Variants in SRPK2 observed in about 807,000 individuals in gnomAD.
SRPK2 encodes the protein SFRS protein kinase 2.
SRPK2 carries 21 observed loss-of-function variants against 90.8 expected under a neutral mutation model. The ratio of observed to expected loss-of-function variants is 0.23; its 90% CI spans 0.16 to 0.33. The LOEUF is 0.33. Among genes scored for constraint, SRPK2 ranks in the 10% least tolerant of loss-of-function variants. The probability of loss-of-function intolerance (pLI) is 1.00; values close to 1 mark genes in which losing one functional copy is unlikely to be tolerated. For synonymous variants in SRPK2, 288 were observed against 311.1 expected (o/e 0.93, Z 0.78); for missense variants, 620 against 869.0 (o/e 0.71, Z 3.60).
chr7:105,225,320 T>G (rs1585242945), intron 2 of SRPK2, among the ~76,000 whole-genome samples: 1 of 152,380 alleles, frequency 6.6e-6, no homozygotes, highest in African/African-American at 2.4e-5. Flanking sequence ...TCTTTCAATA[T>G]GTATTGGGAG....
intron 2 of SRPK2, among the ~76,000 whole-genome samples, chr7:105,242,959 G>C (rs1392164027): frequency 6.6e-6 from 1 of 152,190 alleles, no homozygotes; most frequent in Admixed American, 6.5e-5. Context: ...CTGGTAGAAG[G>C]TGAGGCCAGG....
At chr7:105,233,126 AG>A (rs1799704110) in intron 2 of SRPK2, among the ~76,000 whole-genome samples, 1 of 149,000 alleles carries the variant, frequency 6.7e-6, no homozygotes, top group African/African-American at 2.5e-5. Context: ...GAAGGAAGGA[AG>A]GAAGGAAGGA....
At chr7:105,330,909 C>T (rs755849477) in intron 2 of SRPK2, among the ~76,000 whole-genome samples, 1 of 152,074 alleles carries the variant, frequency 6.6e-6, no homozygotes, top group African/African-American at 2.4e-5. Context: ...AAGGAGGGTC[C>T]CTTGAATCCA....
At chr7:105,318,417 A>C (rs955246588) in intron 2 of SRPK2, among the ~76,000 whole-genome samples, 6 of 152,232 alleles carry the variant, frequency 3.9e-5, no homozygotes, top group African/African-American at 1.4e-4. Context: ...ATTTGTTAAC[A>C]TACAGTAAGT....
At chr7:105,224,012 A>G (rs1052110885) in intron 2 of SRPK2, among the ~76,000 whole-genome samples, 2 of 152,196 alleles carry the variant, frequency 1.3e-5, no homozygotes, top group African/African-American at 4.8e-5. Flanking sequence ...ATTTTTGATT[A>G]AATTCTGAAA....
chr7:105,250,416 A>C (rs1802324019), intron 2 of SRPK2, among the ~76,000 whole-genome samples: 1 of 151,888 alleles, frequency 6.6e-6, no homozygotes, highest in East Asian at 1.9e-4. Context: ...AGAAAAAAAA[A>C]ACAAAAACCT....
chr7:105,185,535 C>G (rs75279305), intron 3 of SRPK2, among the ~76,000 whole-genome samples: 2 of 151,950 alleles, frequency 1.3e-5, no homozygotes, highest in Non-Finnish European at 2.9e-5. Flanking sequence ...GTGTATGTTA[C>G]GTTCTCTTGT....
intron 2 of SRPK2, among the ~76,000 whole-genome samples, chr7:105,207,279 G>T (rs1351512536): frequency 6.6e-6 from 1 of 152,194 alleles, no homozygotes; most frequent in Non-Finnish European, 1.5e-5. Context: ...TAGGACTACA[G>T]GTGTGTGCCA....
intron 3 of SRPK2, among the ~76,000 whole-genome samples, chr7:105,182,637 ATTTATT>A (rs1293676050): frequency 6.6e-6 from 1 of 151,836 alleles, no homozygotes; most frequent in Non-Finnish European, 1.5e-5. Context: ...TTTTTTATTT[ATTTATT>A]TTTAAGTAGA....
At chr7:105,273,057 T>C (rs571314480) in intron 2 of SRPK2, among the ~76,000 whole-genome samples, 1 of 151,836 alleles carries the variant, frequency 6.6e-6, no homozygotes, top group African/African-American at 2.4e-5. Context: ...CTACTAAAAA[T>C]ACAAAAAATT....
intron 2 of SRPK2, among the ~76,000 whole-genome samples, chr7:105,308,852 C>A (rs541605309): frequency 1.3e-5 from 2 of 152,192 alleles, no homozygotes; most frequent in East Asian, 1.9e-4. Flanking sequence ...AACAGGATTT[C>A]TCTCTCTGTA....
intron 2 of SRPK2, among the ~76,000 whole-genome samples, chr7:105,302,604 G>A (rs1810679177): frequency 6.6e-6 from 1 of 152,098 alleles, no homozygotes. Flanking sequence ...CTTTATACAT[G>A]ATACTTTTTC....
chr7:105,225,387 C>A (rs988961232), intron 2 of SRPK2, among the ~76,000 whole-genome samples: 6 of 152,186 alleles, frequency 3.9e-5, no homozygotes, highest in African/African-American at 1.2e-4. Context: ...ACCAGCAGAT[C>A]GTCTGCCTTA....
intron 2 of SRPK2, among the ~76,000 whole-genome samples, chr7:105,383,332 G>A (rs1186804262): frequency 6.6e-6 from 1 of 151,054 alleles, no homozygotes; most frequent in Non-Finnish European, 1.5e-5. Context: ...CTCCCAAAGT[G>A]CTGGGATTAT....
intron 2 of SRPK2, among the ~76,000 whole-genome samples, chr7:105,358,198 T>A (rs1373712164): frequency 1.8e-5 from 2 of 113,438 alleles, no homozygotes; most frequent in African/African-American, 6.9e-5. Context: ...CACTCCAGCC[T>A]GGGCAACAGA....
intron 2 of SRPK2, among the ~76,000 whole-genome samples, chr7:105,205,391 C>G (rs1232796576): frequency 2.6e-4 from 40 of 152,088 alleles, no homozygotes; most frequent in Non-Finnish European, 2.9e-5. Context: ...TTTATGAAGA[C>G]TCAACAGTTA....
intron 2 of SRPK2, among the ~76,000 whole-genome samples, chr7:105,364,457 G>A (rs1818801550): frequency 1.3e-5 from 2 of 149,892 alleles, no homozygotes; most frequent in South Asian, 4.2e-4. Flanking sequence ...CTGGAGTGCG[G>A]TGCCATGATC....
intron 2 of SRPK2, among the ~76,000 whole-genome samples, chr7:105,238,593 C>T (rs1031560704): frequency 6.6e-6 from 1 of 152,190 alleles, no homozygotes; most frequent in Non-Finnish European, 1.5e-5. Flanking sequence ...TCTCCCATTG[C>T]CCACTCTTTT....
chr7:105,180,993 C>G (rs1045176672), intron 3 of SRPK2, among the ~76,000 whole-genome samples: 2 of 152,108 alleles, frequency 1.3e-5, no homozygotes, highest in Admixed American at 1.3e-4. Context: ...GTATAATATC[C>G]AGAATCTACA....
Sources: allele counts gnomAD v4.1 joint callset (sites outside exome capture counted in the v4.1 genomes callset), GRCh38; gene constraint gnomAD v4.1.1; transcripts MANE v1.5; gene names NCBI Gene and HGNC (gene_info 2026-07-23, HGNC 2026-07-21).